Variants in AHRR observed in about 807,000 individuals in gnomAD.
AHRR encodes ahR repressor.
Under a neutral mutation model 44.0 loss-of-function variants are expected in AHRR, and 28 were observed. The observed-to-expected ratio is 0.64, with a 90% CI of 0.47 to 0.87. The LOEUF (loss-of-function observed/expected upper bound fraction) is 0.87. Among genes scored for constraint, AHRR ranks in the 40% least tolerant of loss-of-function variants. The probability of loss-of-function intolerance (pLI) is 0.00; values close to 1 mark genes in which losing one functional copy is unlikely to be tolerated. For missense variants in AHRR, 990 were observed against 953.9 expected, an observed-to-expected ratio of 1.04 and a Z score of -0.50; for synonymous variants, 434 against 407.0, an observed-to-expected ratio of 1.07 and a Z score of -0.80.
intron 2 of AHRR, among the ~76,000 whole-genome samples, chr5:351,334 A>C (rs977182856): frequency 6.6e-6 from 1 of 152,250 alleles, no homozygotes; most frequent in African/African-American, 2.4e-5. Context: ...CACGGCAGCC[A>C]AACAGAGGAG....
rs1418310351 is a variant in AHRR, at chr5:415,598, AATCT to A, written c.441+2166_441+2169del. On this transcript the variant is annotated intron_variant, in intron 5 of 10. Coordinates refer to ENST00000684583, the MANE Select transcript of AHRR (RefSeq NM_001377236.1). ...GGTCTGCTGGGAGGCCTAGGGGCCG[AATCT>A]GCCTGGTGGGGCGGGAGGCCTAGGG... Among the ~76,000 whole-genome samples, 70 of 130,838 alleles carry A rather than the reference AATCT, an allele frequency of 5.4e-4. 2 individuals are homozygous for A. The highest frequency in any genetic ancestry group is 2.1e-3 in the African/African-American group (65 of 30,466). 85.8% of individuals were successfully genotyped at this position (130,838 alleles called of 152,430 possible).
intron 3 of AHRR, among the ~76,000 whole-genome samples, chr5:365,466 G>A (rs1743323851): frequency 6.6e-6 from 1 of 152,066 alleles, no homozygotes; most frequent in African/African-American, 2.4e-5. Context: ...TGTAGCCAAA[G>A]AAACACTTAG....
chr5:432,481 T>C lies in AHRR; in HGVS notation c.927T>C (p.Ser309=), dbSNP rs747777259. The change falls in exon 9 of 11, where the codon AGT becomes AGC. Residue 309 remains serine, a synonymous_variant. Transcript: ENST00000684583. ...TADAKVKATT[S]LCESELHGKP... ...TTCACAGAGTAAAAGCCACCACCAG[T>C]CTGTGCGAATCGGAACTGCATGGAA... The C allele has an allele frequency of 6.2e-6, 10 of 1,614,178 alleles. No individual in the cohort carries two copies. In the South Asian group the frequency reaches 1.1e-4, roughly 18 times the overall value.
At chr5:381,584 C>T (rs992405731) in intron 4 of AHRR, among the ~76,000 whole-genome samples, 3 of 126,026 alleles carry the variant, frequency 2.4e-5, no homozygotes, top group East Asian at 4.8e-4. Flanking sequence ...GGTGCAATCT[C>T]GGTTCACTGC....
rs1737156459 is a variant in AHRR, at chr5:437,795, G to A, written c.*2961G>A. The A allele has an allele frequency of 6.6e-6, 1 of 152,386 alleles. No individual in the cohort carries two copies. The highest frequency in any genetic ancestry group is 2.1e-4 in the South Asian group (1 of 4,836). The allele number at this position is 152,386 out of a possible 1,614,324, so 9.4% of individuals were successfully genotyped here. On this transcript the variant is annotated 3_prime_UTR_variant, in exon 11 of 11. Transcript: ENST00000684583. ...CAGGAGGCTGCGGCCCTGAGAGCCT[G>A]GGATCAGCGAGGTGTCCGACATCCC...
In AHRR at chr5:415,614, C is replaced by CCGAATCTGCCTGGTCGGGT. The variant is rs1735745120; in HGVS notation, c.441+2181_441+2182insCGAATCTGCCTGGTCGGGT. Among the ~76,000 whole-genome samples, 77 of 66,316 alleles carry CCGAATCTGCCTGGTCGGGT rather than the reference C, an allele frequency of 1.2e-3. 1 individual carries two copies. Among genetic ancestry groups the CCGAATCTGCCTGGTCGGGT allele is most frequent in the Middle Eastern group, 8.9e-3 (1 of 112 alleles). 43.5% of individuals were successfully genotyped at this position (66,316 alleles called of 152,430 possible). A position where few individuals can be genotyped will look rare whatever the true frequency, so the allele number is the denominator to read the frequency against. The stretch of plus-strand genomic sequence containing the variant: ...TAGGGGCCGAATCTGCCTGGTGGGG[C>CCGAATCTGCCTGGTCGGGT]GGGAGGCCTAGGGGCCGAATCTGCC... On this transcript the variant is annotated intron_variant, in intron 5 of 10. Transcript: ENST00000684583.
intron 2 of AHRR, 151 bp from the exon 3 acceptor site, chr5:353,579 G>A: frequency 1.5e-6 from 1 of 672,040 alleles, no homozygotes; most frequent in South Asian, 1.9e-5. Context: ...TATGTCTTGA[G>A]GCATGGGTGA....
At chr5:373,909 C>T (rs1233566114) in intron 3 of AHRR, among the ~76,000 whole-genome samples, 5 of 150,876 alleles carry the variant, frequency 3.3e-5, no homozygotes, top group African/African-American at 9.7e-5. Context: ...GTGACGGCGC[C>T]GGCGGCTGCG....
At chr5:428,164 G>A (rs1736556381) in intron 8 of AHRR, among the ~76,000 whole-genome samples, 158 bp downstream of exon 8, 1 of 152,214 alleles carries the variant, frequency 6.6e-6, no homozygotes, top group Non-Finnish European at 1.5e-5. Flanking sequence ...AGGCAGCAGC[G>A]ATTAGATGAA....
rs138246769 is a variant in AHRR, at chr5:422,014, G to T, written c.442-715G>T. Among the ~76,000 whole-genome samples the T allele has an allele frequency of 4.5e-3, 692 of 152,310 alleles. 4 individuals carry two copies. The highest frequency in any genetic ancestry group is 0.016 in the African/African-American group (659 of 41,576). ...GTTAATTATTCGGGGCTGGCGGGTG[G>T]CGGGCCAGGCTCCAGGTGCAGATGC... is the stretch of plus-strand genomic sequence containing the variant. On this transcript the variant is annotated intron_variant, in intron 5 of 10. Transcript: ENST00000684583.
intron 1 of AHRR, among the ~76,000 whole-genome samples, chr5:335,510 G>A (rs1019589118): frequency 1.3e-5 from 2 of 152,146 alleles, no homozygotes; most frequent in African/African-American, 4.8e-5. Flanking sequence ...TTGTGGGCAG[G>A]CTGGGGAAGG....
chr5:343,709 G>A (rs1398119376), intron 1 of AHRR, 184 bp from the exon 2 acceptor site: 2 of 576,760 alleles, frequency 3.5e-6, no homozygotes, highest in Non-Finnish European at 5.9e-6. Context: ...TGGCTCCTCG[G>A]TGCGGGGTGC....
In AHRR at chr5:370,805, C is replaced by T. The variant is rs1743555178; in HGVS notation, c.245-5805C>T. On this transcript the variant is annotated intron_variant, in intron 3 of 10. Transcript: ENST00000684583. The surrounding 1 kb of genome is among the most constrained non-coding windows in gnomAD (Gnocchi z 4.5). ...GCACGTTCCCATCATGCTTGTCCGA[C>T]CTCCCTGGGTGGCTGGAGGAGGAAG... 6.6e-6 allele frequency among the ~76,000 whole-genome samples: 1 copy of T among 152,102 alleles called. No individual in the cohort carries two copies. Among genetic ancestry groups the T allele is most frequent in the Non-Finnish European group, 1.5e-5 (1 of 68,012 alleles).
intron 1 of AHRR, among the ~76,000 whole-genome samples, chr5:335,612 G>A (rs1262241937): frequency 2.0e-5 from 3 of 152,220 alleles, no homozygotes; most frequent in Non-Finnish European, 4.4e-5. Flanking sequence ...TGATTTTCAG[G>A]GCCCATGGCA....
At chr5:393,386 G>T (rs1052833769) in intron 4 of AHRR, among the ~76,000 whole-genome samples, 1 of 152,192 alleles carries the variant, frequency 6.6e-6, no homozygotes. Context: ...TCCTCCTCCC[G>T]AGTGTTCCTC....
rs964515186 is a variant in AHRR, at chr5:388,659, G to T, written c.351+11943G>T. On this transcript the variant is annotated intron_variant, in intron 4 of 10. Coordinates refer to ENST00000684583, the MANE Select transcript of AHRR (RefSeq NM_001377236.1). This position sits in a 1 kb window ranked among gnomAD's most constrained non-coding sequence, Gnocchi z 5.2. Reference sequence around the variant, plus strand: ...AGCCTGGCATGGGGCTTGGTGACATGAGGAGCGGGGGTGTCAGAGCCAGGG... The same window carrying T: ...AGCCTGGCATGGGGCTTGGTGACATTAGGAGCGGGGGTGTCAGAGCCAGGG... Among the ~76,000 whole-genome samples, 1 of 152,180 alleles carries T rather than the reference G, an allele frequency of 6.6e-6. No homozygotes were observed. The highest frequency in any genetic ancestry group is 2.4e-5 in the African/African-American group (1 of 41,438).
rs148932510 is a variant in AHRR at position 437,216 on chromosome 5, TC to T, written c.*2385del. 0.26 allele frequency: 40,310 copies of T among 152,302 alleles called. 6,956 individuals carry two copies. The highest frequency in any genetic ancestry group is 0.39 in the Non-Finnish European group (26,442 of 68,000). The allele number at this position is 152,302 out of a possible 1,614,324, so 9.4% of individuals were successfully genotyped here. On this transcript the variant is annotated 3_prime_UTR_variant, in exon 11 of 11. Transcript: ENST00000684583. ...ATAATTAAAAATCAGATCTGCTGTA[TC>T]CCTGAAAAAGTCTCAATCAACATGC...
At chr5:346,149 G>A (rs1013548152) in intron 2 of AHRR, among the ~76,000 whole-genome samples, 20 of 152,338 alleles carry the variant, frequency 1.3e-4, no homozygotes, top group African/African-American at 3.8e-4. Context: ...GCTCTAGCGG[G>A]GGACGGCAGT....
chr5:413,311 C>T lies in AHRR; in HGVS notation c.352-33C>T, dbSNP rs201015352. 42 of 1,436,302 alleles carry T rather than the reference C, an allele frequency of 2.9e-5. No homozygotes were observed. The Admixed American group carries it at 4.3e-4, about 15-fold the overall frequency. 89.0% of individuals were successfully genotyped at this position (1,436,302 alleles called of 1,614,324 possible). On this transcript the variant is annotated intron_variant, in intron 4 of 10. Transcript: ENST00000684583. ...CTTTTTCATTTTGGGTGAGCCAATT[C>T]GATTTTTTTTTTTGTTTTGTTTTTT...
Sources: allele counts gnomAD v4.1 joint callset (sites outside exome capture counted in the v4.1 genomes callset), GRCh38; gene constraint gnomAD v4.1.1; non-coding constraint Gnocchi (gnomAD v3.1); transcripts MANE v1.5; gene names NCBI Gene and HGNC (gene_info 2026-07-23, HGNC 2026-07-21).